MTMR10: variants seen among roughly 807,000 people sequenced by gnomAD.
MTMR10 encodes myotubularin related protein 10, also known as myotubularin-related protein 10.
A neutral mutation model predicts 88.1 loss-of-function variants in MTMR10; 56 were observed. That is an observed-to-expected ratio of 0.64 (90% CI 0.51 to 0.79). MTMR10 has a LOEUF of 0.79. Ranked by LOEUF, MTMR10 falls within the 30% of genes least tolerant of loss-of-function variation. MTMR10 has a pLI of 0.00. For missense variants in MTMR10, 883 were observed against 924.7 expected (o/e 0.95, Z 0.58); for synonymous variants, 380 against 340.9 (o/e 1.11, Z -1.26).
chr15:30,932,598 A>T, the MTMR10 span, among the ~76,000 whole-genome samples: 1 of 152,126 alleles, frequency 6.6e-6, no homozygotes, highest in East Asian at 1.9e-4. Flanking sequence ...TTTAAACAAC[A>T]TAAGGCTGTT....
intron 3 of MTMR10, 109 bp from the exon 4 acceptor site, chr15:30,975,112 C>T: frequency 1.2e-6 from 1 of 835,620 alleles, no homozygotes; most frequent in Non-Finnish European, 1.8e-6. Flanking sequence ...CTAAAAAGCA[C>T]AAAAAGCTTT....
At chr15:30,959,561 G>A (rs900541638) in intron 7 of MTMR10, among the ~76,000 whole-genome samples, 2 of 152,178 alleles carry the variant, frequency 1.3e-5, no homozygotes, top group African/African-American at 4.8e-5. Context: ...TCAGACTCTA[G>A]GACACTGATC....
At chr15:30,961,116 TC>T in intron 6 of MTMR10, 43 bp from the exon 7 acceptor site, 1 of 1,506,246 alleles carries the variant, frequency 6.6e-7, no homozygotes. Context: ...AGTCACATTT[TC>T]CCCAGCATTC....
rs899201976 is a variant in MTMR10, at chr15:30,954,700, C to G, written c.1066+63G>C. 36 of 1,410,384 alleles carry G rather than the reference C, an allele frequency of 2.6e-5. No individual in the cohort carries two copies. In the Admixed American group the frequency reaches 6.6e-4, roughly 26 times the overall value. The allele number at this position is 1,410,384 out of a possible 1,614,324, so 87.4% of individuals were successfully genotyped here. ...TACATTTTTAAGAACATCACTTTTC[C>G]TGACATCTCATGCAACTCTGTATCC... is the stretch of plus-strand genomic sequence containing the variant. On this transcript the variant is annotated intron_variant, in intron 10 of 15. Coordinates refer to ENST00000435680, the MANE Select transcript of MTMR10 (RefSeq NM_017762.3).
rs1030228849 is a variant in MTMR10 at position 30,939,044 on chromosome 15, A to G, written c.*2426T>C. 1.0e-6 allele frequency: 1 copy of G among 985,454 alleles called. No individual in the cohort carries two copies. The highest frequency in any genetic ancestry group is 1.2e-6 in the Non-Finnish European group (1 of 829,928). The allele number at this position is 985,454 out of a possible 1,614,324, so 61.0% of individuals were successfully genotyped here. A position where few individuals can be genotyped will look rare whatever the true frequency, so the allele number is the denominator to read the frequency against. On this transcript the variant is annotated 3_prime_UTR_variant, in exon 16 of 16. Transcript: ENST00000435680. ...TTCTTGCTCATCCCACTTGAACTCAAGTCATCAATTTTAGGCACAAAGGTT... is the reference window on the plus strand; with the variant it reads ...TTCTTGCTCATCCCACTTGAACTCAGGTCATCAATTTTAGGCACAAAGGTT...
the MTMR10 span, chr15:30,930,475 A>G: frequency 6.6e-6 from 10 of 1,525,914 alleles, no homozygotes; most frequent in Admixed American, 1.1e-4. Flanking sequence ...CCGTCTCGTG[A>G]TCCCTGGAGC....
the MTMR10 span, among the ~76,000 whole-genome samples, chr15:30,923,773 C>G: frequency 0.2 from 31,156 of 152,236 alleles, 3,663 homozygotes; most frequent in African/African-American, 0.33. Context: ...TCTGGATGGC[C>G]TGAGCCTTCA....
the MTMR10 span, among the ~76,000 whole-genome samples, chr15:30,932,242 A>G: frequency 1.3e-5 from 2 of 150,292 alleles, no homozygotes; most frequent in Non-Finnish European, 3.0e-5. Context: ...AAAAAAAAAA[A>G]GCCAGCTGAG....
the MTMR10 span, among the ~76,000 whole-genome samples, chr15:30,923,664 C>T: frequency 3.9e-4 from 60 of 152,358 alleles, no homozygotes; most frequent in African/African-American, 1.4e-3. Flanking sequence ...CCTCCCTCTC[C>T]GAGGCCAGGC....
the MTMR10 span, among the ~76,000 whole-genome samples, chr15:30,930,928 C>A: frequency 6.6e-6 from 1 of 152,282 alleles, no homozygotes; most frequent in East Asian, 1.9e-4. Context: ...TTCCATCACT[C>A]CTGCTGTATT....
At chr15:30,947,385 A>C in intron 13 of MTMR10, 85 bp from the exon 14 acceptor site, 1 of 1,439,518 alleles carries the variant, frequency 6.9e-7, no homozygotes, top group Non-Finnish European at 9.4e-7. Context: ...GCTGATGTTA[A>C]AGAAGAGATG....
In MTMR10 at chr15:30,941,577, G is replaced by A; in HGVS notation, c.2227C>T (p.Pro743Ser). Reference protein sequence around the residue: ...EFLSSSFPFSPVGNLCRRSIL... With the variant: ...EFLSSSFPFSSVGNLCRRSIL... Reference sequence around the variant, plus strand: ...CTTCGTCTGCACAGATTCCCTACAGGAGAAAATGGAAATGAGGAGGAGAGA... The same window carrying A: ...CTTCGTCTGCACAGATTCCCTACAGAAGAAAATGGAAATGAGGAGGAGAGA... Residue 743 changes from proline (P) to serine (S), a missense_variant, in exon 16 of 16, where the codon CCT (proline) becomes TCT (serine). Coordinates refer to ENST00000435680, the MANE Select transcript of MTMR10 (RefSeq NM_017762.3). 6.2e-7 allele frequency: 1 copy of A among 1,600,436 alleles called. No individual in the cohort carries two copies. Among genetic ancestry groups the A allele is most frequent in the Non-Finnish European group, 8.5e-7 (1 of 1,172,944 alleles).
the MTMR10 span, among the ~76,000 whole-genome samples, chr15:30,919,979 T>C: frequency 3.3e-5 from 5 of 152,214 alleles, 1 homozygote; most frequent in African/African-American, 1.2e-4. Flanking sequence ...GTTAGATTAC[T>C]ATAAACAGAG....
the MTMR10 span, among the ~76,000 whole-genome samples, chr15:30,924,612 C>G: frequency 6.6e-6 from 1 of 152,142 alleles, no homozygotes; most frequent in East Asian, 1.9e-4. Flanking sequence ...GTAATTCCTC[C>G]AAACCTTTGG....
intron 3 of MTMR10, 56 bp downstream of exon 3, chr15:30,976,763 G>A: frequency 6.5e-7 from 1 of 1,547,158 alleles, no homozygotes; most frequent in Middle Eastern, 1.7e-4. Context: ...ATAATAATAT[G>A]TACCACTTAG....
At chr15:30,980,660 T>C (rs1407705771) in intron 2 of MTMR10, among the ~76,000 whole-genome samples, 2 of 152,072 alleles carry the variant, frequency 1.3e-5, no homozygotes, top group Non-Finnish European at 2.9e-5. Context: ...GAGAAATGGC[T>C]GATTCCAAGG....
chr15:30,958,517 T>A (rs1292234553), intron 9 of MTMR10, among the ~76,000 whole-genome samples: 3 of 152,206 alleles, frequency 2.0e-5, no homozygotes, highest in African/African-American at 7.2e-5. Flanking sequence ...TAGACCTAAA[T>A]AAGACACATC....
intron 1 of MTMR10, 36 bp from the exon 2 acceptor site, chr15:30,990,873 TC>T (rs757247214): frequency 4.6e-6 from 7 of 1,528,492 alleles, no homozygotes; most frequent in Non-Finnish European, 5.3e-6. Context: ...AAAATCTCAA[TC>T]CCCCCACCCT....
At chr15:30,956,459 T>C (rs1158955376) in intron 9 of MTMR10, 1 of 152,192 alleles carries the variant, frequency 6.6e-6, no homozygotes, top group Non-Finnish European at 1.5e-5. Context: ...TTAGGTCACA[T>C]GGTGAAAAAC....
Sources: allele counts gnomAD v4.1 joint callset (sites outside exome capture counted in the v4.1 genomes callset), GRCh38; gene constraint gnomAD v4.1.1; transcripts MANE v1.5; gene names NCBI Gene and HGNC (gene_info 2026-07-23, HGNC 2026-07-21).